Variants in MRAS observed in about 807,000 individuals in gnomAD.
The protein encoded by MRAS is ras-related protein M-Ras.
A neutral mutation model predicts 20.9 loss-of-function variants in MRAS; 4 were observed. The observed-to-expected ratio is 0.19, with a 90% confidence interval of 0.09 to 0.44. The LOEUF is 0.44. Ranked by LOEUF, MRAS falls within the 20% of genes least tolerant of loss-of-function variation. The pLI is 0.99. For missense variants in MRAS, 154 were observed against 277.5 expected (o/e 0.56, Z 3.16); for synonymous variants, 98 against 102.9 (o/e 0.95, Z 0.29).
At chr3:138,353,416 G>A (rs2054268233) in intron 1 of MRAS, among the ~76,000 whole-genome samples, 1 of 152,114 alleles carries the variant, frequency 6.6e-6, no homozygotes, top group Non-Finnish European at 1.5e-5. Flanking sequence ...CCCATTAGGG[G>A]TGTGTCTTTG....
At chr3:138,365,568 G>A (rs1560167422) in intron 1 of MRAS, among the ~76,000 whole-genome samples, 1 of 152,184 alleles carries the variant, frequency 6.6e-6, no homozygotes, top group Non-Finnish European at 1.5e-5. Flanking sequence ...GTTGAGATTA[G>A]AAGAAAAGCA....
At chr3:138,356,859 A>G (rs1481270938) in intron 1 of MRAS, among the ~76,000 whole-genome samples, 2 of 152,192 alleles carry the variant, frequency 1.3e-5, no homozygotes, top group Non-Finnish European at 2.9e-5. Context: ...GCCAGCTGGC[A>G]TCATAGCCTT....
At chr3:138,398,703 A>G in intron 4 of MRAS, 135 bp downstream of exon 4, 1 of 739,632 alleles carries the variant, frequency 1.4e-6, no homozygotes, top group Non-Finnish European at 2.2e-6. Context: ...TCTTGTTGCT[A>G]CTGAAATCCT....
At chr3:138,385,645 A>G (rs1287714776) in intron 2 of MRAS, among the ~76,000 whole-genome samples, 1 of 151,948 alleles carries the variant, frequency 6.6e-6, no homozygotes, top group African/African-American at 2.4e-5. Flanking sequence ...CCTCCTGAGT[A>G]GCTGGGACTG....
chr3:138,373,876 C>CATTTATTTATTTATTTATTTATTT (rs137976100), intron 2 of MRAS, among the ~76,000 whole-genome samples: 2 of 144,354 alleles, frequency 1.4e-5, no homozygotes, highest in African/African-American at 2.6e-5. Context: ...TATCTCTTTC[C>CATTTATTTATTTATTTATTTATTT]ATTTATTTAT....
rs929557238 is a variant in MRAS, at chr3:138,353,831, C to T, written c.-19+5064C>T. On this transcript the variant is annotated intron_variant, in intron 1 of 5. Coordinates refer to ENST00000423968, the MANE Select transcript of MRAS (RefSeq NM_001085049.3). ...GTTAACCTTTTATAGATGTGGAAAC[C>T]GAGGCTCAAGGAAGTTAAGTAGGTC... is the stretch of plus-strand genomic sequence containing the variant. 2.0e-5 allele frequency among the ~76,000 whole-genome samples: 3 copies of T among 152,138 alleles called. 1 individual carries two copies. Among genetic ancestry groups the T allele is most frequent in the African/African-American group, 4.8e-5 (2 of 41,424 alleles).
chr3:138,358,211 C>T (rs1455665942), intron 1 of MRAS, among the ~76,000 whole-genome samples: 1 of 152,120 alleles, frequency 6.6e-6, no homozygotes, highest in Non-Finnish European at 1.5e-5. Context: ...GTGGCATGTT[C>T]CTGTAGTAAC....
Position 138,402,240 on chromosome 3 carries a change from A to T in MRAS, c.598A>T (p.Thr200Ser), listed in dbSNP as rs1441212956. The change falls in exon 6 of 6, where the codon ACC (threonine) becomes TCC (serine). Residue 200 changes from threonine to serine, a missense_variant. Thr to Ser is a moderately conservative substitution (Grantham distance 58). Around this residue, in one of 3 missense-constraint regions of MRAS, gnomAD observed 125 missense variants for 213.5 expected, o/e 0.59. Transcript: ENST00000423968. Reference protein sequence around the residue: ...TKWRGDRATGTHKLQCVIL With the variant: ...TKWRGDRATGSHKLQCVIL ...ATGGCGGGGAGACCGGGCCACAGGC[A>T]CCCACAAACTGCAATGTGTGATCTT... The T allele has an allele frequency of 6.2e-7, 1 of 1,614,242 alleles. No individual in the cohort carries two copies. Among genetic ancestry groups the T allele is most frequent in the East Asian group, 2.2e-5 (1 of 44,880 alleles).
At chr3:138,375,447 C>G (rs2054764537) in intron 2 of MRAS, among the ~76,000 whole-genome samples, 1 of 152,172 alleles carries the variant, frequency 6.6e-6, no homozygotes, top group South Asian at 2.1e-4. Flanking sequence ...TATTTCTTCC[C>G]TAACTGTTTA....
chr3:138,353,687 C>T (rs2054273627), intron 1 of MRAS, among the ~76,000 whole-genome samples: 1 of 152,226 alleles, frequency 6.6e-6, no homozygotes. Context: ...ACCTACCCGT[C>T]CATTCATTGA....
In MRAS at chr3:138,371,721, G is replaced by A. The variant is rs539234989; in HGVS notation, c.-18-1145G>A. 2.6e-5 allele frequency among the ~76,000 whole-genome samples: 4 copies of A among 152,276 alleles called. No individual in the cohort carries two copies. The East Asian group carries it at 7.7e-4, about 29-fold the overall frequency. On this transcript the variant is annotated intron_variant, in intron 1 of 5. Coordinates refer to ENST00000423968, the MANE Select transcript of MRAS (RefSeq NM_001085049.3). ...TCCTGGCAGGGTCCACAGTTAGTTA[G>A]CAGTTTAGGTTCCTGGCTACAACCT...
At chr3:138,357,527 G>A (rs1194349655) in intron 1 of MRAS, among the ~76,000 whole-genome samples, 1 of 152,210 alleles carries the variant, frequency 6.6e-6, no homozygotes, top group Non-Finnish European at 1.5e-5. Context: ...ACATCCCCCA[G>A]TATTTCTTAA....
In MRAS at chr3:138,382,900, A is replaced by G. The variant is rs1318721314; in HGVS notation, c.193+9824A>G. ...TGGGCCAAGCACACCAGCCTGACCA[A>G]TAGATCTGAGACCTCCCCTGTCTGC... is the stretch of plus-strand genomic sequence containing the variant. On this transcript the variant is annotated intron_variant, in intron 2 of 5. Coordinates refer to ENST00000423968, the MANE Select transcript of MRAS (RefSeq NM_001085049.3). 5.3e-5 allele frequency among the ~76,000 whole-genome samples: 8 copies of G among 152,316 alleles called. No homozygotes were observed. In the East Asian group the frequency reaches 1.2e-3, roughly 22 times the overall value.
chr3:138,381,925 GT>G (rs1316329634), intron 2 of MRAS, among the ~76,000 whole-genome samples: 3 of 151,770 alleles, frequency 2.0e-5, no homozygotes, highest in Non-Finnish European at 2.9e-5. Context: ...CGTTTACTGA[GT>G]TTTTTTTTCC....
intron 1 of MRAS, among the ~76,000 whole-genome samples, chr3:138,363,819 A>AACC (rs2054501005): frequency 6.1e-4 from 20 of 32,932 alleles, no homozygotes; most frequent in Non-Finnish European, 8.6e-4. Context: ...TAGAGGATTT[A>AACC]CCCCCCCCCC....
At chr3:138,354,901 C>T (rs1194477114) in intron 1 of MRAS, among the ~76,000 whole-genome samples, 1 of 152,104 alleles carries the variant, frequency 6.6e-6, no homozygotes, top group Non-Finnish European at 1.5e-5. Context: ...CTGCCTCAGC[C>T]TCCTCAGTAG....
In MRAS at chr3:138,348,676, G is replaced by C. The variant is rs942175100; in HGVS notation, c.-110G>C. On this transcript the variant is annotated 5_prime_UTR_variant, in exon 1 of 6. Transcript: ENST00000423968. ...GGGGAGCCGTCAGTCCGGCGGCCGC[G>C]GGGCCCGGCGGGCGCGACGCTGCCT... The C allele has an allele frequency of 1.3e-5, 2 of 151,608 alleles. No individual in the cohort carries two copies. The highest frequency in any genetic ancestry group is 2.9e-5 in the Non-Finnish European group (2 of 67,860). The allele number at this position is 151,608 out of a possible 1,614,324, so 9.4% of individuals were successfully genotyped here.
intron 2 of MRAS, among the ~76,000 whole-genome samples, chr3:138,373,671 A>T (rs2054721041): frequency 6.6e-6 from 1 of 152,160 alleles, no homozygotes; most frequent in Non-Finnish European, 1.5e-5. Context: ...GAAATCAGGG[A>T]GTATTAAATC....
At chr3:138,357,093 A>G (rs1052944263) in intron 1 of MRAS, among the ~76,000 whole-genome samples, 1 of 152,252 alleles carries the variant, frequency 6.6e-6, no homozygotes, top group African/African-American at 2.4e-5. Flanking sequence ...GTCACTTGGC[A>G]CTTCAACAAA....
Sources: gnomAD v4.1 joint callset for allele counts (sites outside exome capture counted in the v4.1 genomes callset) on GRCh38, gnomAD v4.1.1 for gene constraint, gnomAD v4.1.1 regional missense constraint, MANE v1.5 for transcripts, NCBI Gene and HGNC (gene_info 2026-07-23, HGNC 2026-07-21) for gene names.